PDE4D: variants seen among roughly 807,000 people sequenced by gnomAD.
The protein encoded by PDE4D is 3',5'-cyclic-AMP phosphodiesterase 4D.
In PDE4D, 24 loss-of-function variants were observed where a neutral mutation model predicts 87.4. The ratio of observed to expected loss-of-function variants is 0.27; its 90% CI spans 0.20 to 0.39. The LOEUF (loss-of-function observed/expected upper bound fraction) is 0.39, where lower values mean the gene tolerates loss of function less well. Ranked by LOEUF, PDE4D falls within the 10% of genes least tolerant of loss-of-function variation. PDE4D has a pLI of 1.00. For synonymous variants in PDE4D, 384 were observed against 383.2 expected (o/e 1.00, Z -0.02); for missense variants, 714 against 1,041.0 (o/e 0.69, Z 4.32).
chr5:60,318,741 T>A (rs970230041), intron 1 of PDE4D, among the ~76,000 whole-genome samples: 3 of 152,114 alleles, frequency 2.0e-5, no homozygotes, highest in Non-Finnish European at 4.4e-5. Context: ...CCTTCACTTA[T>A]GAAGCTTAGT....
In PDE4D at chr5:59,218,069, A is replaced by G. The variant is rs1751667549; in HGVS notation, c.456-2101T>C. 4 of 427,474 alleles carry G rather than the reference A, an allele frequency of 9.4e-6. No homozygotes were observed. In the East Asian group the frequency reaches 2.9e-4, roughly 31 times the overall value. The allele number at this position is 427,474 out of a possible 1,614,324, so 26.5% of individuals were successfully genotyped here. A position where few individuals can be genotyped will look rare whatever the true frequency, so the allele number is the denominator to read the frequency against. On this transcript the variant is annotated intron_variant, in intron 1 of 14. Transcript: ENST00000340635. ...TGAAGGTATTTAGTACACAACTGGA[A>G]GACATTAAAAACTTCTAAATAGTGG...
intron 1 of PDE4D, among the ~76,000 whole-genome samples, chr5:59,731,368 C>T (rs1053340157): frequency 6.6e-6 from 1 of 151,958 alleles, no homozygotes; most frequent in Non-Finnish European, 1.5e-5. Flanking sequence ...ATGACAAGCA[C>T]AGGACAGGCC....
chr5:60,387,114 A>G lies in PDE4D; in HGVS notation c.-90+100828T>C, dbSNP rs79484071. Among the ~76,000 whole-genome samples, 2,252 of 152,298 alleles carry G rather than the reference A, an allele frequency of 0.015. 135 individuals are homozygous for G. In the East Asian group the frequency reaches 0.19, roughly 13 times the overall value. Reference sequence around the variant, plus strand: ...CCCTGGCCAACACTAGGATTCTTTCATCTGAGATGATAAAAATCTACCAAT... The same window carrying G: ...CCCTGGCCAACACTAGGATTCTTTCGTCTGAGATGATAAAAATCTACCAAT... On this transcript the variant is annotated intron_variant, in intron 1 of 16. Transcript: ENST00000502484.
chr5:60,021,972 C>T (rs954657283), intron 2 of PDE4D: 4 of 152,206 alleles, frequency 2.6e-5, no homozygotes, highest in African/African-American at 9.7e-5. Flanking sequence ...CTTGATCTCC[C>T]AAAGTGCAAG....
At chr5:59,872,616 C>T (rs1377589764) in intron 1 of PDE4D, among the ~76,000 whole-genome samples, 1 of 152,152 alleles carries the variant, frequency 6.6e-6, no homozygotes, top group African/African-American at 2.4e-5. Context: ...TCTTTCTCCT[C>T]CCTTTTGCTA....
intron 1 of PDE4D, among the ~76,000 whole-genome samples, chr5:59,458,772 T>G (rs1183117636): frequency 6.6e-6 from 1 of 152,208 alleles, no homozygotes; most frequent in Non-Finnish European, 1.5e-5. Context: ...TTAACTGACA[T>G]AGTTCTGTCA....
intron 3 of PDE4D, among the ~76,000 whole-genome samples, chr5:59,951,980 A>G (rs1269987836): frequency 1.3e-5 from 2 of 151,996 alleles, no homozygotes; most frequent in Non-Finnish European, 2.9e-5. Flanking sequence ...TTGTGCCCCT[A>G]CCCAAATCTC....
In PDE4D at chr5:60,388,123, CCA is replaced by C. The variant is rs766791918; in HGVS notation, c.-90+99817_-90+99818del. On this transcript the variant is annotated intron_variant, in intron 1 of 16. Transcript: ENST00000502484. Reference sequence around the variant, plus strand: ...AGCTTCTGCGTCCTCCGTAGATGCACCACCCTCCAAGAACCTTCACGTGTTCA... The same window carrying C: ...AGCTTCTGCGTCCTCCGTAGATGCACCCCTCCAAGAACCTTCACGTGTTCA... 1.4e-4 allele frequency among the ~76,000 whole-genome samples: 21 copies of C among 152,138 alleles called. 2 individuals are homozygous for C. Among genetic ancestry groups the C allele is most frequent in the Admixed American group, 9.8e-4 (15 of 15,278 alleles).
chr5:58,973,776 C>CAAAGT lies in PDE4D; in HGVS notation c.*883_*887dup, dbSNP rs372901892. 118 of 148,566 alleles carry CAAAGT rather than the reference C, an allele frequency of 7.9e-4. No individual in the cohort carries two copies. Among genetic ancestry groups the CAAAGT allele is most frequent in the African/African-American group, 2.3e-3 (95 of 40,612 alleles). The allele number at this position is 148,566 out of a possible 1,614,324, so 9.2% of individuals were successfully genotyped here. The stretch of plus-strand genomic sequence containing the variant: ...TATCTGGAAAGAGTGAAACAAAATG[C>CAAAGT]AAAGTAAATAATAAAGACTTACAAA... On this transcript the variant is annotated 3_prime_UTR_variant, in exon 15 of 15. Coordinates refer to ENST00000340635, the MANE Select transcript of PDE4D (RefSeq NM_001104631.2).
chr5:60,036,853 G>A (rs1407782249), intron 2 of PDE4D, among the ~76,000 whole-genome samples: 3 of 152,292 alleles, frequency 2.0e-5, no homozygotes, highest in Admixed American at 2.0e-4. Flanking sequence ...GGACTAAACT[G>A]TGCTTTGTCT....
At chr5:59,879,665 C>T (rs958989959) in intron 1 of PDE4D, among the ~76,000 whole-genome samples, 2 of 152,240 alleles carry the variant, frequency 1.3e-5, no homozygotes, top group Admixed American at 1.3e-4. Flanking sequence ...TGCTTAGACA[C>T]AAACGGCATC....
chr5:59,081,958 C>G (rs1279087326), intron 5 of PDE4D, among the ~76,000 whole-genome samples: 1 of 152,100 alleles, frequency 6.6e-6, no homozygotes, highest in Non-Finnish European at 1.5e-5. Flanking sequence ...TTCACAAGAT[C>G]TGATGGTTAT....
intron 3 of PDE4D, among the ~76,000 whole-genome samples, chr5:59,951,564 GAGCTTGCCAATGAAA>G (rs1297756980): frequency 6.6e-6 from 1 of 152,132 alleles, no homozygotes; most frequent in Non-Finnish European, 1.5e-5. Context: ...TCTGATTTCA[GAGCTTGCCAATGAAA>G]ATTTTACCAT....
chr5:59,225,305 G>T (rs968256491), intron 1 of PDE4D, among the ~76,000 whole-genome samples: 1 of 152,154 alleles, frequency 6.6e-6, no homozygotes, highest in African/African-American at 2.4e-5. Context: ...TCAAAGATCA[G>T]TTGACTGTGT....
chr5:59,016,226 T>A (rs955813702), intron 6 of PDE4D, among the ~76,000 whole-genome samples: 15 of 152,048 alleles, frequency 9.9e-5, no homozygotes, highest in African/African-American at 3.4e-4. Context: ...TGTATACATA[T>A]GTAACAAACC....
intron 3 of PDE4D, among the ~76,000 whole-genome samples, chr5:59,950,672 G>T (rs1561900734): frequency 1.3e-5 from 2 of 152,098 alleles, no homozygotes; most frequent in Non-Finnish European, 2.9e-5. Flanking sequence ...CCTTGACTGA[G>T]TCTAGGCTAT....
chr5:60,052,788 C>G (rs1021514160), intron 2 of PDE4D, among the ~76,000 whole-genome samples: 1 of 152,190 alleles, frequency 6.6e-6, no homozygotes, highest in African/African-American at 2.4e-5. Context: ...ATTTAGAAAA[C>G]CCCATTGTCT....
At chr5:60,127,009 A>G (rs1779176880) in intron 2 of PDE4D, among the ~76,000 whole-genome samples, 1 of 152,218 alleles carries the variant, frequency 6.6e-6, no homozygotes, top group Non-Finnish European at 1.5e-5. Flanking sequence ...TTCTGACAAT[A>G]TAACAGTCCA....
intron 2 of PDE4D, among the ~76,000 whole-genome samples, chr5:60,165,250 A>G (rs1330785137): frequency 6.6e-6 from 1 of 152,202 alleles, no homozygotes; most frequent in African/African-American, 2.4e-5. Context: ...ATAGTGCTGC[A>G]ATAAACATGG....
Sources: allele counts gnomAD v4.1 joint callset (sites outside exome capture counted in the v4.1 genomes callset), GRCh38; gene constraint gnomAD v4.1.1; transcripts MANE v1.5; gene names NCBI Gene and HGNC (gene_info 2026-07-23, HGNC 2026-07-21).